The following SBF2 variants were observed in gnomAD, a reference collection of about 807,000 sequenced individuals.
The protein encoded by SBF2 is SET binding factor 2, also known as myotubularin-related protein 13.
A neutral mutation model predicts 225.2 loss-of-function variants in SBF2; 112 were observed. The ratio of observed to expected loss-of-function variants is 0.50; its 90% confidence interval spans 0.43 to 0.58. The LOEUF (loss-of-function observed/expected upper bound fraction) is 0.58. SBF2 is among the 20% of genes least tolerant of loss of function. SBF2 has a pLI of 0.00. For missense variants in SBF2, 1,996 were observed against 2,206.2 expected, an observed-to-expected ratio of 0.90 and a Z score of 1.91; for synonymous variants, 763 against 773.3, an observed-to-expected ratio of 0.99 and a Z score of 0.22.
At chr11:10,117,557 T>G (rs1953203829) in intron 2 of SBF2, among the ~76,000 whole-genome samples, 1 of 152,146 alleles carries the variant, frequency 6.6e-6, no homozygotes, top group African/African-American at 2.4e-5. Flanking sequence ...TTCTGTTTAT[T>G]GCATGTTGAT....
chr11:10,293,854 G>A (rs1429251452), intron 1 of SBF2, among the ~76,000 whole-genome samples, 161 bp downstream of exon 1: 1 of 151,860 alleles, frequency 6.6e-6, no homozygotes, highest in African/African-American at 2.4e-5. Flanking sequence ...CCCACCGCCA[G>A]GCTCAGCCCA....
intron 17 of SBF2, among the ~76,000 whole-genome samples, chr11:9,868,595 C>G (rs1590270761): frequency 1.3e-5 from 2 of 152,092 alleles, no homozygotes; most frequent in South Asian, 4.1e-4. Flanking sequence ...GTTTGCTTAA[C>G]TTGAGTAGGA....
intron 6 of SBF2, among the ~76,000 whole-genome samples, chr11:10,023,250 G>C (rs1461151227): frequency 6.6e-6 from 1 of 151,916 alleles, no homozygotes; most frequent in African/African-American, 2.4e-5. Flanking sequence ...TAAAATATTT[G>C]CTGGGTTTCA....
chr11:9,912,421 C>T (rs796075004), intron 16 of SBF2, among the ~76,000 whole-genome samples: 7 of 151,566 alleles, frequency 4.6e-5, no homozygotes, highest in African/African-American at 1.5e-4. Flanking sequence ...CCCATCTCTA[C>T]TAAAAATACA....
chr11:10,103,387 GCTTT>G (rs1212730933), intron 2 of SBF2, among the ~76,000 whole-genome samples: 1 of 152,058 alleles, frequency 6.6e-6, no homozygotes, highest in Admixed American at 6.6e-5. Context: ...ATGGTGTTTG[GCTTT>G]CTTTGTGCTA....
chr11:9,834,868 C>T (rs115545933), intron 26 of SBF2, among the ~76,000 whole-genome samples: 1 of 152,170 alleles, frequency 6.6e-6, no homozygotes, highest in Admixed American at 6.5e-5. Context: ...TCACTCCCTG[C>T]CCCCTGTAGT....
At chr11:10,260,249 T>A (rs1961290150) in intron 1 of SBF2, among the ~76,000 whole-genome samples, 1 of 152,242 alleles carries the variant, frequency 6.6e-6, no homozygotes, top group African/African-American at 2.4e-5. Flanking sequence ...CTTTCATAAG[T>A]AATTATGTCC....
upstream of SBF2, among the ~76,000 whole-genome samples, chr11:10,297,645 A>G (rs1166546251): frequency 6.6e-6 from 1 of 152,212 alleles, no homozygotes; most frequent in Non-Finnish European, 1.5e-5. Flanking sequence ...TTTTAAAATC[A>G]AAGTTTATTG....
chr11:9,830,770 CAAAACAAAAAACAA>C (rs573556678), intron 27 of SBF2, among the ~76,000 whole-genome samples: 2 of 137,530 alleles, frequency 1.5e-5, no homozygotes, highest in African/African-American at 2.8e-5. Context: ...AAAAACAAAA[CAAAACAAAAAACAA>C]AAAACAAAAA....
chr11:10,026,551 C>T (rs1033091433), intron 6 of SBF2, among the ~76,000 whole-genome samples: 13 of 151,922 alleles, frequency 8.6e-5, no homozygotes, highest in Non-Finnish European at 1.6e-4. Flanking sequence ...GGCAACATGG[C>T]GAGACCCTGT....
At chr11:9,882,579 C>G (rs146114662) in intron 17 of SBF2, among the ~76,000 whole-genome samples, 1 of 152,056 alleles carries the variant, frequency 6.6e-6, no homozygotes, top group East Asian at 1.9e-4. Context: ...GAGGCCAAGG[C>G]GGGCGGATCA....
intron 26 of SBF2, among the ~76,000 whole-genome samples, chr11:9,835,120 C>T (rs751326447): frequency 2.6e-5 from 4 of 152,208 alleles, no homozygotes; most frequent in Non-Finnish European, 5.9e-5. Flanking sequence ...TCAGAGCCTT[C>T]AGCTCTGGGC....
intron 17 of SBF2, 77 bp from the exon 18 acceptor site, chr11:9,858,473 T>A: frequency 7.3e-7 from 1 of 1,371,524 alleles, no homozygotes; most frequent in Non-Finnish European, 1.0e-6. Flanking sequence ...GGGCCACAGT[T>A]AATCATAGAT....
Position 9,780,256 on chromosome 11 carries a change from C to T in SBF2, c.*162G>A. On this transcript the variant is annotated 3_prime_UTR_variant, in exon 40 of 40. Transcript: ENST00000256190. ...ACCAGACCTGTGTGAAACACCTATT[C>T]AGGTTAAGTAGATATAGCAACCCCT... 4 of 688,514 alleles carry T rather than the reference C, an allele frequency of 5.8e-6. No homozygotes were observed. Among genetic ancestry groups the T allele is most frequent in the Non-Finnish European group, 2.6e-6 (1 of 380,476 alleles). 42.7% of individuals were successfully genotyped at this position (688,514 alleles called of 1,614,324 possible).
At chr11:9,906,272 T>C (rs1257001090) in intron 16 of SBF2, among the ~76,000 whole-genome samples, 1 of 152,232 alleles carries the variant, frequency 6.6e-6, no homozygotes, top group Non-Finnish European at 1.5e-5. Context: ...AAGATGCCTT[T>C]TGACTTTGAT....
At chr11:10,195,608 T>G (rs966299319) in intron 1 of SBF2, among the ~76,000 whole-genome samples, 4 of 152,150 alleles carry the variant, frequency 2.6e-5, no homozygotes, top group Non-Finnish European at 5.9e-5. Context: ...TTTCTCAACC[T>G]CATCTCTATG....
At position 10,196,384 on chromosome 11, in the gene SBF2, T is replaced by C. The variant is rs577048093; in HGVS notation, c.56-2397A>G. ...TTTTACGTTCAAGAAATATTTATCA[T>C]ATTAATTATTTTTTGGACAGGGTCT... On this transcript the variant is annotated intron_variant, in intron 1 of 39. Transcript: ENST00000256190. Among the ~76,000 whole-genome samples the C allele has an allele frequency of 7.1e-4, 108 of 152,276 alleles. 1 individual carries two copies. The South Asian group carries it at 0.022, about 31-fold the overall frequency.
intron 16 of SBF2, among the ~76,000 whole-genome samples, chr11:9,918,212 C>A (rs1160149228): frequency 6.6e-6 from 1 of 152,166 alleles, no homozygotes. Flanking sequence ...TGGACTCTCA[C>A]CATGGCTATA....
chr11:9,854,759 AT>A (rs1857196452), intron 19 of SBF2, among the ~76,000 whole-genome samples: 1 of 151,878 alleles, frequency 6.6e-6, no homozygotes, highest in Non-Finnish European at 1.5e-5. Context: ...CACCTGACTA[AT>A]TTTTATTTTT....
Sources: gnomAD v4.1 joint callset for allele counts (sites outside exome capture counted in the v4.1 genomes callset) on GRCh38, gnomAD v4.1.1 for gene constraint, MANE v1.5 for transcripts, NCBI Gene and HGNC (gene_info 2026-07-23, HGNC 2026-07-21) for gene names.